CRACDL: variants seen among roughly 807,000 people sequenced by gnomAD.
CRACDL encodes CRACD like, also known as CRACD-like protein.
Under a neutral mutation model 70.6 loss-of-function variants are expected in CRACDL, and 26 were observed. The ratio of observed to expected loss-of-function variants is 0.37; its 90% CI spans 0.27 to 0.51. The LOEUF (loss-of-function observed/expected upper bound fraction) is 0.51, where lower values mean the gene tolerates loss of function less well. Among genes scored for constraint, CRACDL ranks in the 20% least tolerant of loss-of-function variants. The pLI is 0.94. For missense variants in CRACDL, 1,283 were observed against 1,376.9 expected (o/e 0.93, Z 1.08); for synonymous variants, 618 against 615.2 (o/e 1.00, Z -0.07).
intron 7 of CRACDL, among the ~76,000 whole-genome samples, chr2:98,811,202 CT>C (rs558291148): frequency 5.3e-5 from 8 of 150,796 alleles, no homozygotes; most frequent in Non-Finnish European, 8.9e-5. Context: ...GCCACTATCC[CT>C]TTTTTTTTGT....
chr2:98,921,559 T>C (rs1025481031), intron 1 of CRACDL, among the ~76,000 whole-genome samples: 3 of 152,246 alleles, frequency 2.0e-5, no homozygotes, highest in Non-Finnish European at 4.4e-5. Context: ...GTGACCAGGC[T>C]GGGCCTAGGA....
At chr2:98,903,294 C>T (rs776733650) in intron 1 of CRACDL, among the ~76,000 whole-genome samples, 1 of 152,180 alleles carries the variant, frequency 6.6e-6, no homozygotes, top group East Asian at 1.9e-4. Flanking sequence ...GCAAGGCTCA[C>T]ACCGAGTGCG....
Position 98,827,139 on chromosome 2 carries a change from C to G in CRACDL, c.571G>C (p.Asp191His). 2 of 1,614,058 alleles carry G rather than the reference C, an allele frequency of 1.2e-6. No individual in the cohort carries two copies. The highest frequency in any genetic ancestry group is 1.7e-6 in the Non-Finnish European group (2 of 1,179,976). Residue 191 changes from aspartate (D) to histidine (H), a missense_variant, in exon 6 of 10, where the codon GAC becomes CAC. This residue lies in a region of CRACDL where 362 missense variants were observed against 495.0 expected (regional missense o/e 0.73). Transcript: ENST00000397899. ...VSVVSPDHVS[D>H]STVSARISDN... ...GAGATCCGGGCAGAGACGGTGCTGTCGCTCACGTGGTCTGGAGACACGACA... is the reference window on the plus strand; with the variant it reads ...GAGATCCGGGCAGAGACGGTGCTGTGGCTCACGTGGTCTGGAGACACGACA...
chr2:98,866,504 T>TTTTTG (rs1707152943), intron 1 of CRACDL, among the ~76,000 whole-genome samples: 1 of 137,108 alleles, frequency 7.3e-6, no homozygotes, highest in Non-Finnish European at 1.6e-5. Flanking sequence ...TTTTTTTTTT[T>TTTTTG]GAGACAGAGT....
intron 9 of CRACDL, 71 bp downstream of exon 9, chr2:98,796,049 A>G (rs1703803891): frequency 6.6e-7 from 1 of 1,526,502 alleles, no homozygotes; most frequent in Non-Finnish European, 9.1e-7. Flanking sequence ...AAACCAAACC[A>G]AAACTCAAAC....
At chr2:98,903,771 T>C (rs1708340360) in intron 1 of CRACDL, among the ~76,000 whole-genome samples, 2 of 152,258 alleles carry the variant, frequency 1.3e-5, no homozygotes, top group South Asian at 4.1e-4. Flanking sequence ...GTAGTCATTT[T>C]TAAGTCAGAT....
intron 9 of CRACDL, among the ~76,000 whole-genome samples, chr2:98,795,378 A>C (rs1703775360): frequency 6.6e-6 from 1 of 152,062 alleles, no homozygotes; most frequent in Admixed American, 6.6e-5. Flanking sequence ...GTCCGGCCTA[A>C]AAATTTTTAA....
chr2:98,820,659 A>G (rs1177898226), intron 7 of CRACDL, among the ~76,000 whole-genome samples: 1 of 152,268 alleles, frequency 6.6e-6, no homozygotes, highest in Admixed American at 6.5e-5. Context: ...GACAAATGTC[A>G]AAGACAGAGA....
intron 7 of CRACDL, among the ~76,000 whole-genome samples, chr2:98,798,712 G>A (rs1486894247): frequency 1.3e-5 from 2 of 148,816 alleles, no homozygotes; most frequent in Admixed American, 1.3e-4. Flanking sequence ...TTTTTTTTGA[G>A]ACAGGGTCTC....
chr2:98,842,972 T>C (rs553495307), intron 2 of CRACDL, among the ~76,000 whole-genome samples: 5 of 152,000 alleles, frequency 3.3e-5, no homozygotes, highest in Non-Finnish European at 5.9e-5. Context: ...GCTAAGTGTA[T>C]GTTTAACTTC....
chr2:98,912,378 G>C (rs1708565059), intron 1 of CRACDL, among the ~76,000 whole-genome samples: 1 of 152,212 alleles, frequency 6.6e-6, no homozygotes, highest in African/African-American at 2.4e-5. Context: ...TGTGAGCAGT[G>C]AGCTCGGTGA....
Position 98,822,159 on chromosome 2 carries a change from C to G in CRACDL, c.2114G>C (p.Gly705Ala). The G allele has an allele frequency of 1.2e-6, 2 of 1,607,918 alleles. No individual in the cohort carries two copies. The highest frequency in any genetic ancestry group is 1.7e-6 in the Non-Finnish European group (2 of 1,177,504). The change falls in exon 7 of 10, where the codon GGT (glycine) becomes GCT (alanine). Residue 705 changes from glycine (G) to alanine (A), a missense_variant. This residue lies in a region of CRACDL where 921 missense variants were observed against 881.9 expected (regional missense o/e 1.04). Transcript: ENST00000397899. The surrounding 1 kb of genome is among the most constrained non-coding windows in gnomAD (Gnocchi z 4.9). ...YRDGASQEVKGVKRYSAEVRL... is the reference protein window; with the variant it reads ...YRDGASQEVKAVKRYSAEVRL... ...GACCTCGGCACTGTACCTCTTCACA[C>G]CCTTCACCTCCTGAGAGGCGCCATC...
At chr2:98,894,002 G>T (rs564653043) in intron 1 of CRACDL, among the ~76,000 whole-genome samples, 9 of 152,320 alleles carry the variant, frequency 5.9e-5, no homozygotes, top group African/African-American at 2.2e-4. Context: ...ATTCCGAGGG[G>T]CAGCCAGGGT....
At chr2:98,852,799 CT>C (rs1446316324) in intron 1 of CRACDL, among the ~76,000 whole-genome samples, 1 of 151,858 alleles carries the variant, frequency 6.6e-6, no homozygotes, top group Non-Finnish European at 1.5e-5. Flanking sequence ...GAGAAAAAGA[CT>C]GGGAAAAAAG....
chr2:98,826,717 ATTC>A (rs1443347206), intron 6 of CRACDL, among the ~76,000 whole-genome samples: 1 of 152,164 alleles, frequency 6.6e-6, no homozygotes, highest in Non-Finnish European at 1.5e-5. Flanking sequence ...GGCAACCAGT[ATTC>A]AGTAGTGAGT....
intron 2 of CRACDL, 121 bp from the exon 3 acceptor site, chr2:98,838,408 C>T: frequency 1.8e-6 from 1 of 566,720 alleles, no homozygotes; most frequent in Non-Finnish European, 3.0e-6. Context: ...CAGTTATCTG[C>T]TTCTGAAAAG....
At chr2:98,813,010 A>G (rs1704637350) in intron 7 of CRACDL, among the ~76,000 whole-genome samples, 1 of 151,910 alleles carries the variant, frequency 6.6e-6, no homozygotes, top group Admixed American at 6.6e-5. Context: ...TAAGTCCATG[A>G]CCCCTTTTGA....
intron 1 of CRACDL, among the ~76,000 whole-genome samples, chr2:98,888,677 G>A (rs1707859999): frequency 6.6e-6 from 1 of 152,120 alleles, no homozygotes; most frequent in Non-Finnish European, 1.5e-5. Context: ...TAAAAATTAT[G>A]TTAAGTAAAA....
At chr2:98,821,768 G>C in intron 7 of CRACDL, 89 bp downstream of exon 7, 1 of 1,468,080 alleles carries the variant, frequency 6.8e-7, no homozygotes, top group Non-Finnish European at 9.1e-7. Context: ...GTTTGTACCA[G>C]GAGCATTTGG....
Sources: gnomAD v4.1 joint callset for allele counts (sites outside exome capture counted in the v4.1 genomes callset) on GRCh38, gnomAD v4.1.1 for gene constraint, gnomAD v4.1.1 regional missense constraint, Gnocchi (gnomAD v3.1) non-coding constraint, MANE v1.5 for transcripts, NCBI Gene and HGNC (gene_info 2026-07-23, HGNC 2026-07-21) for gene names.